TTLL5: variants seen among roughly 807,000 people sequenced by gnomAD.
TTLL5 encodes tubulin polyglutamylase TTLL5.
In TTLL5, 132 loss-of-function variants were observed where a neutral mutation model predicts 168.4. The observed-to-expected ratio is 0.78, with a 90% confidence interval of 0.68 to 0.91. TTLL5 has a LOEUF of 0.91. TTLL5 is among the 40% of genes least tolerant of loss of function. The pLI is 0.00. For synonymous variants in TTLL5, 546 were observed against 558.6 expected, an observed-to-expected ratio of 0.98 and a Z score of 0.32; for missense variants, 1,545 against 1,581.5, an observed-to-expected ratio of 0.98 and a Z score of 0.39.
chr14:75,663,300 T>C, intron 2 of TTLL5, 77 bp downstream of exon 2: 1 of 1,339,984 alleles, frequency 7.5e-7, no homozygotes, highest in Non-Finnish European at 1.0e-6. Flanking sequence ...TGTTTTACTA[T>C]ATACTCTTCT....
chr14:75,862,102 A>G (rs2030059809), intron 28 of TTLL5, among the ~76,000 whole-genome samples: 1 of 152,204 alleles, frequency 6.6e-6, no homozygotes, highest in Admixed American at 6.5e-5. Flanking sequence ...GTGGCATCAT[A>G]TAATATTTGT....
chr14:75,740,936 C>T (rs1889223745), intron 15 of TTLL5, among the ~76,000 whole-genome samples: 1 of 152,060 alleles, frequency 6.6e-6, no homozygotes, highest in Non-Finnish European at 1.5e-5. Flanking sequence ...GTTTTTGCCC[C>T]TCAATTATGA....
Position 75,669,429 on chromosome 14 carries a change from A to G in TTLL5, c.88A>G (p.Ile30Val). ...TTGTCGTTATAGGGATCATCCATGC[A>G]TCATGTGGACTGGAGGCTGCAGGAG... ...EVISQEDHPC[I>V]MWTGGCRRIP... Residue 30 changes from isoleucine to valine, a missense_variant, in exon 3 of 32, where the codon ATC (isoleucine) becomes GTC (valine). Ile to Val is a conservative substitution (Grantham distance 29). Transcript: ENST00000298832. 2 of 1,614,026 alleles carry G rather than the reference A, an allele frequency of 1.2e-6. No homozygotes were observed. Among genetic ancestry groups the G allele is most frequent in the Non-Finnish European group, 1.7e-6 (2 of 1,179,910 alleles).
chr14:75,825,078 A>G (rs1435058013), intron 28 of TTLL5, among the ~76,000 whole-genome samples: 1 of 152,142 alleles, frequency 6.6e-6, no homozygotes, highest in African/African-American at 2.4e-5. Context: ...TTCAATGCAC[A>G]TAGTTAAACC....
intron 27 of TTLL5, among the ~76,000 whole-genome samples, chr14:75,794,364 A>C (rs1313029451): frequency 6.6e-6 from 1 of 151,724 alleles, no homozygotes. Context: ...CACTTTTATC[A>C]TTGGGTCACT....
At chr14:75,746,533 A>G (rs1889622007) in intron 17 of TTLL5, among the ~76,000 whole-genome samples, 1 of 146,694 alleles carries the variant, frequency 6.8e-6, no homozygotes, top group Non-Finnish European at 1.5e-5. Context: ...TTATCTCTTT[A>G]TAACTGATTT....
At chr14:75,773,883 C>A (rs1379814230) in intron 21 of TTLL5, among the ~76,000 whole-genome samples, 1 of 110,030 alleles carries the variant, frequency 9.1e-6, no homozygotes, top group Non-Finnish European at 1.9e-5. Flanking sequence ...GAGCAAGATA[C>A]CGTCTCAAAA....
rs3031047 is a variant in TTLL5, at chr14:75,731,374, T to TACACACACACACACACAC, written c.1043-932_1043-915dup. Among the ~76,000 whole-genome samples the TACACACACACACACACAC allele has an allele frequency of 3.6e-5, 5 of 139,332 alleles. No individual in the cohort carries two copies. In the East Asian group the frequency reaches 6.4e-4, roughly 18 times the overall value. 91.4% of individuals were successfully genotyped at this position (139,332 alleles called of 152,430 possible). ...ATATAGCTATAAATATACACATACA[T>TACACACACACACACACAC]ACACACACACACACACACACACACA... On this transcript the variant is annotated intron_variant, in intron 12 of 31. Transcript: ENST00000298832.
Position 75,806,461 on chromosome 14 carries a change from TGGCTCCA to T in TTLL5, c.3171+13366_3171+13372del, listed in dbSNP as rs1170205477. Among the ~76,000 whole-genome samples the T allele has an allele frequency of 2.0e-5, 3 of 152,240 alleles. No homozygotes were observed. In the East Asian group the frequency reaches 5.8e-4, roughly 29 times the overall value. ...TGATTCAAAGCCTTTATTTAGAATCTGGCTCCAGGCTACTTTTCCAGCCTGTCTCCCT... is the reference window on the plus strand; with the variant it reads ...TGATTCAAAGCCTTTATTTAGAATCTGGCTACTTTTCCAGCCTGTCTCCCT... On this transcript the variant is annotated intron_variant, in intron 27 of 31. Coordinates refer to ENST00000298832, the MANE Select transcript of TTLL5 (RefSeq NM_015072.5).
intron 28 of TTLL5, among the ~76,000 whole-genome samples, chr14:75,856,306 T>C (rs1009254904): frequency 6.6e-6 from 1 of 152,100 alleles, no homozygotes; most frequent in Non-Finnish European, 1.5e-5. Flanking sequence ...GAAGTTGCAG[T>C]AAGACAAGAT....
chr14:75,778,184 A>C (rs1891834133), intron 23 of TTLL5, among the ~76,000 whole-genome samples: 1 of 152,198 alleles, frequency 6.6e-6, no homozygotes, highest in Non-Finnish European at 1.5e-5. Flanking sequence ...AATTATATAG[A>C]TGTGGAGATA....
chr14:75,857,293 T>A (rs389352), intron 28 of TTLL5, among the ~76,000 whole-genome samples: 1 of 151,938 alleles, frequency 6.6e-6, no homozygotes, highest in Non-Finnish European at 1.5e-5. Context: ...ATATGATAGA[T>A]TTTTTTTCTA....
Position 75,783,163 on chromosome 14 carries a change from A to G in TTLL5, c.2619A>G (p.Ala873=). 6.2e-7 allele frequency: 1 copy of G among 1,610,228 alleles called. No individual in the cohort carries two copies. The highest frequency in any genetic ancestry group is 8.5e-7 in the Non-Finnish European group (1 of 1,179,384). ...SDKLSRFTTS[A]EKEAKLVYSN... is the part of the protein sequence containing the mutation. ...TTTTAATAGGATTTACCACTTCAGC[A>G]GAAAAAGAGGCAAAATTAGTTTATA... The change falls in exon 26 of 32, where the codon GCA becomes GCG. Residue 873 remains alanine (A), a synonymous_variant. Transcript: ENST00000298832.
chr14:75,931,519 T>C (rs573716620), intron 31 of TTLL5, among the ~76,000 whole-genome samples: 1 of 152,184 alleles, frequency 6.6e-6, no homozygotes, highest in Admixed American at 6.5e-5. Flanking sequence ...TACTACAGTG[T>C]TTTCCAGACG....
intron 31 of TTLL5, among the ~76,000 whole-genome samples, chr14:75,937,219 C>A (rs998657590): frequency 6.6e-6 from 1 of 151,636 alleles, no homozygotes; most frequent in Admixed American, 6.6e-5. Context: ...CTGGTTCAAG[C>A]GATTCTCCTG....
At chr14:75,829,945 GT>G (rs1293957196) in intron 28 of TTLL5, among the ~76,000 whole-genome samples, 2 of 152,182 alleles carry the variant, frequency 1.3e-5, no homozygotes, top group African/African-American at 4.8e-5. Flanking sequence ...AGAAGTTGGT[GT>G]GGGGGAATTA....
chr14:75,920,155 A>T (rs979296802), intron 31 of TTLL5, among the ~76,000 whole-genome samples: 23 of 152,004 alleles, frequency 1.5e-4, no homozygotes, highest in Non-Finnish European at 5.9e-5. Context: ...ACAAAATGAA[A>T]TGTAAAAGAC....
intron 5 of TTLL5, among the ~76,000 whole-genome samples, chr14:75,685,376 A>C (rs1392323481): frequency 2.3e-5 from 3 of 129,262 alleles, no homozygotes; most frequent in South Asian, 2.4e-4. Context: ...ACTCTGTCTC[A>C]AAAAAAAAAA....
chr14:75,860,851 GAT>G lies in TTLL5; in HGVS notation c.3327-2814_3327-2813del, dbSNP rs565664108. Reference sequence around the variant, plus strand: ...CTCTTCCCTCACTAATGAGAAAAGAGATAATAGGTTCCTCAGGCTCCTCCTTT... The same window carrying G: ...CTCTTCCCTCACTAATGAGAAAAGAGAATAGGTTCCTCAGGCTCCTCCTTT... On this transcript the variant is annotated intron_variant, in intron 28 of 31. Coordinates refer to ENST00000298832, the MANE Select transcript of TTLL5 (RefSeq NM_015072.5). Among the ~76,000 whole-genome samples the G allele has an allele frequency of 6.7e-4, 102 of 152,292 alleles. 2 individuals are homozygous for G. In the Middle Eastern group the frequency reaches 0.014, roughly 20 times the overall value.
Sources: allele counts gnomAD v4.1 joint callset (sites outside exome capture counted in the v4.1 genomes callset), GRCh38; gene constraint gnomAD v4.1.1; transcripts MANE v1.5; gene names NCBI Gene and HGNC (gene_info 2026-07-23, HGNC 2026-07-21).